The following SORCS1 variants were observed in gnomAD, a reference collection of about 807,000 sequenced individuals.
SORCS1 encodes sortilin related VPS10 domain containing receptor 1, also known as VPS10 domain-containing receptor SorCS1.
In SORCS1, 60 loss-of-function variants were observed where a neutral mutation model predicts 146.1. The ratio of observed to expected loss-of-function variants is 0.41; its 90% CI spans 0.33 to 0.51. The LOEUF (loss-of-function observed/expected upper bound fraction) is 0.51, where lower values mean the gene tolerates loss of function less well. Ranked by LOEUF, SORCS1 falls within the 20% of genes least tolerant of loss-of-function variation. SORCS1 has a pLI of 0.21. For missense variants in SORCS1, 1,352 were observed against 1,487.6 expected (o/e 0.91, Z 1.50); for synonymous variants, 637 against 584.0 (o/e 1.09, Z -1.31).
intron 24 of SORCS1, among the ~76,000 whole-genome samples, chr10:106,581,433 T>A (rs150767400): frequency 1.2e-4 from 18 of 151,954 alleles, no homozygotes; most frequent in African/African-American, 3.6e-4. Context: ...GGACTAAGAC[T>A]ATAGCACAAA....
intron 20 of SORCS1, 30 bp from the exon 21 acceptor site, chr10:106,618,302 G>A: frequency 6.2e-7 from 1 of 1,606,602 alleles, no homozygotes; most frequent in Non-Finnish European, 8.5e-7. Flanking sequence ...AGAGTGAAGG[G>A]AAAGCTCTTT....
intron 1 of SORCS1, among the ~76,000 whole-genome samples, chr10:107,089,179 ATTTTAC>A (rs1963986056): frequency 6.6e-6 from 1 of 152,098 alleles, no homozygotes; most frequent in East Asian, 1.9e-4. Flanking sequence ...TTTTTTTAGA[ATTTTAC>A]TTTTTAATTT....
At chr10:107,026,648 A>AAGAGAAAGAGACGC in intron 1 of SORCS1, among the ~76,000 whole-genome samples, 1 of 152,162 alleles carries the variant, frequency 6.6e-6, no homozygotes, top group Admixed American at 6.5e-5. Context: ...GGTTTTGTTA[A>AAGAGAAAGAGACGC]AGAGAAAGAG....
intron 5 of SORCS1, among the ~76,000 whole-genome samples, chr10:106,740,766 C>G (rs1301692903): frequency 1.3e-5 from 2 of 152,190 alleles, no homozygotes; most frequent in Non-Finnish European, 2.9e-5. Flanking sequence ...GGTGAAAATA[C>G]ATGTTGTGTG....
At chr10:106,839,770 C>G (rs1272019466) in intron 2 of SORCS1, among the ~76,000 whole-genome samples, 1 of 152,194 alleles carries the variant, frequency 6.6e-6, no homozygotes, top group Non-Finnish European at 1.5e-5. Context: ...TGGTGACTTT[C>G]AGTTGAAGTC....
chr10:106,843,698 G>A (rs944890903), intron 2 of SORCS1, among the ~76,000 whole-genome samples: 1 of 152,150 alleles, frequency 6.6e-6, no homozygotes, highest in African/African-American at 2.4e-5. Flanking sequence ...GCCCCCCAAA[G>A]TGCTGGGATT....
intron 17 of SORCS1, among the ~76,000 whole-genome samples, chr10:106,664,093 C>T (rs537385119): frequency 1.3e-5 from 2 of 152,286 alleles, no homozygotes; most frequent in African/African-American, 4.8e-5. Flanking sequence ...GGGTCAGATG[C>T]TATCGTGTAA....
At chr10:106,979,129 C>G (rs909706436) in intron 1 of SORCS1, among the ~76,000 whole-genome samples, 2 of 151,636 alleles carry the variant, frequency 1.3e-5, no homozygotes, top group Non-Finnish European at 2.9e-5. Context: ...AAAAGTTGTT[C>G]CAGGAAAAAA....
intron 5 of SORCS1, among the ~76,000 whole-genome samples, chr10:106,733,147 G>C (rs1297924885): frequency 5.3e-5 from 7 of 131,466 alleles, no homozygotes; most frequent in Non-Finnish European, 1.2e-4. Flanking sequence ...AAAAGAAAAA[G>C]AAAAAAAAGA....
At position 106,852,102 on chromosome 10, in the gene SORCS1, T is replaced by A. The variant is rs1215019823; in HGVS notation, c.627-22429A>T. On this transcript the variant is annotated intron_variant, in intron 2 of 25. Transcript: ENST00000263054. ...TTGTTGTTGATTCTCTAAGATTTTA[T>A]ACATAGATGCTTCTGTCTCTGCAAC... Among the ~76,000 whole-genome samples, 4 of 152,204 alleles carry A rather than the reference T, an allele frequency of 2.6e-5. No individual in the cohort carries two copies. In the South Asian group the frequency reaches 8.3e-4, roughly 31 times the overall value.
intron 1 of SORCS1, among the ~76,000 whole-genome samples, chr10:107,139,169 C>A (rs1301807233): frequency 6.6e-6 from 1 of 152,110 alleles, no homozygotes; most frequent in African/African-American, 2.4e-5. Context: ...TTGCTTAAAT[C>A]TTCTGGATAT....
intron 1 of SORCS1, among the ~76,000 whole-genome samples, chr10:107,011,677 A>T (rs1957701081): frequency 6.6e-6 from 1 of 152,190 alleles, no homozygotes; most frequent in Admixed American, 6.5e-5. Flanking sequence ...TTGTCAGATA[A>T]TACAAGAGAA....
intron 1 of SORCS1, among the ~76,000 whole-genome samples, chr10:107,115,611 A>G (rs1238654879): frequency 1.3e-5 from 2 of 152,128 alleles, no homozygotes; most frequent in Non-Finnish European, 2.9e-5. Flanking sequence ...AATGGATTAA[A>G]AACTTCAATG....
intron 17 of SORCS1, among the ~76,000 whole-genome samples, chr10:106,653,056 C>T (rs1849998768): frequency 6.6e-6 from 1 of 152,102 alleles, no homozygotes; most frequent in Non-Finnish European, 1.5e-5. Flanking sequence ...GCACAGAAAA[C>T]ACTGGCTAAA....
intron 1 of SORCS1, among the ~76,000 whole-genome samples, chr10:107,103,781 A>G (rs1176616349): frequency 6.6e-6 from 1 of 152,192 alleles, no homozygotes; most frequent in African/African-American, 2.4e-5. Flanking sequence ...CCAATGAGGA[A>G]TCCAGTAGCC....
At chr10:106,792,219 A>C (rs1184475483) in intron 3 of SORCS1, among the ~76,000 whole-genome samples, 1 of 152,258 alleles carries the variant, frequency 6.6e-6, no homozygotes, top group South Asian at 2.1e-4. Flanking sequence ...AGAAATTAGA[A>C]ACTCTAAACT....
chr10:107,026,321 G>T (rs892643702), intron 1 of SORCS1, among the ~76,000 whole-genome samples: 23 of 152,150 alleles, frequency 1.5e-4, no homozygotes, highest in African/African-American at 4.6e-4. Context: ...ACTCCTAAAA[G>T]AAAGTTTTTG....
chr10:107,088,224 G>A (rs1963914350), intron 1 of SORCS1, among the ~76,000 whole-genome samples: 1 of 152,098 alleles, frequency 6.6e-6, no homozygotes, highest in Admixed American at 6.5e-5. Flanking sequence ...TTTTGTTGTT[G>A]TTGTTCCCAC....
chr10:106,752,992 A>T (rs902555221), intron 5 of SORCS1, among the ~76,000 whole-genome samples: 1 of 151,988 alleles, frequency 6.6e-6, no homozygotes, highest in Non-Finnish European at 1.5e-5. Flanking sequence ...ATTGAAAGTG[A>T]GTGATGGTAT....
Sources: allele counts gnomAD v4.1 joint callset (sites outside exome capture counted in the v4.1 genomes callset), GRCh38; gene constraint gnomAD v4.1.1; transcripts MANE v1.5; gene names NCBI Gene and HGNC (gene_info 2026-07-23, HGNC 2026-07-21).